KHDRBS2: variants seen among roughly 807,000 people sequenced by gnomAD.
KHDRBS2 encodes KH domain-containing, RNA-binding, signal transduction-associated protein 2.
Under a neutral mutation model 44.3 loss-of-function variants are expected in KHDRBS2, and 26 were observed. The ratio of observed to expected loss-of-function variants is 0.59; its 90% confidence interval spans 0.43 to 0.81. KHDRBS2 has a LOEUF of 0.81. KHDRBS2 is among the 40% of genes least tolerant of loss of function. The pLI, the probability that KHDRBS2 is intolerant of heterozygous loss-of-function variation, is 0.00. For synonymous variants in KHDRBS2, 194 were observed against 151.1 expected, an observed-to-expected ratio of 1.28 and a Z score of -2.08; for missense variants, 476 against 433.1, an observed-to-expected ratio of 1.10 and a Z score of -0.88.
chr6:62,068,797 A>G (rs998656312), intron 2 of KHDRBS2, among the ~76,000 whole-genome samples: 1 of 151,626 alleles, frequency 6.6e-6, no homozygotes, highest in Non-Finnish European at 1.5e-5. Context: ...TAAAAAATCA[A>G]TTGACCACAG....
At chr6:61,561,700 C>A in the KHDRBS2 span, among the ~76,000 whole-genome samples, 5 of 152,092 alleles carry the variant, frequency 3.3e-5, no homozygotes, top group Non-Finnish European at 4.4e-5. Context: ...CTTCGGTCAG[C>A]TTGTGGTGAA....
chr6:62,060,015 C>G (rs1791361578), intron 2 of KHDRBS2, among the ~76,000 whole-genome samples: 1 of 151,568 alleles, frequency 6.6e-6, no homozygotes, highest in South Asian at 2.1e-4. Flanking sequence ...GGAAACCTTC[C>G]CTGGAAAGGA....
intron 6 of KHDRBS2, among the ~76,000 whole-genome samples, chr6:61,776,712 T>C (rs1184113083): frequency 2.0e-5 from 3 of 152,138 alleles, no homozygotes; most frequent in South Asian, 2.1e-4. Flanking sequence ...ACTTCAACCA[T>C]CGTGGAAGTC....
chr6:61,753,554 T>C (rs1778059290), intron 6 of KHDRBS2, among the ~76,000 whole-genome samples: 1 of 152,202 alleles, frequency 6.6e-6, no homozygotes, highest in South Asian at 2.1e-4. Context: ...TAGGATCTTT[T>C]GTGGATCTTT....
intron 2 of KHDRBS2, among the ~76,000 whole-genome samples, chr6:62,170,106 G>A (rs1819698188): frequency 6.6e-6 from 1 of 151,900 alleles, no homozygotes; most frequent in Non-Finnish European, 1.5e-5. Context: ...CAAAATCTGT[G>A]GGAAGGCACA....
At chr6:61,623,975 T>C in the KHDRBS2 span, among the ~76,000 whole-genome samples, 3 of 152,220 alleles carry the variant, frequency 2.0e-5, no homozygotes, top group East Asian at 1.9e-4. Flanking sequence ...AAGAGTGTCA[T>C]GAGGTGAAAA....
At chr6:61,582,919 AAATT>A in the KHDRBS2 span, among the ~76,000 whole-genome samples, 1 of 151,788 alleles carries the variant, frequency 6.6e-6, no homozygotes, top group Non-Finnish European at 1.5e-5. Flanking sequence ...AAATTGGACA[AAATT>A]AATTACTTTC....
At chr6:61,999,848 A>C (rs1777895269) in intron 3 of KHDRBS2, among the ~76,000 whole-genome samples, 1 of 152,154 alleles carries the variant, frequency 6.6e-6, no homozygotes, top group Admixed American at 6.6e-5. Flanking sequence ...TAATAACATA[A>C]AATATATTAG....
intron 8 of KHDRBS2, among the ~76,000 whole-genome samples, chr6:61,684,310 T>C (rs1766599635): frequency 6.6e-6 from 1 of 151,836 alleles, no homozygotes; most frequent in Admixed American, 6.6e-5. Context: ...AAGTACCACA[T>C]ATAGAAGGGA....
chr6:61,577,075 C>G, the KHDRBS2 span, among the ~76,000 whole-genome samples: 1 of 151,672 alleles, frequency 6.6e-6, no homozygotes, highest in African/African-American at 2.4e-5. Context: ...ACAGTCTTTC[C>G]TCTTATGATA....
intron 1 of KHDRBS2, among the ~76,000 whole-genome samples, chr6:62,204,687 T>A (rs1317062780): frequency 6.6e-6 from 1 of 152,150 alleles, no homozygotes; most frequent in Non-Finnish European, 1.5e-5. Flanking sequence ...TATTGACTGC[T>A]TTTATTCCAG....
chr6:62,262,773 A>G (rs1838575566), intron 1 of KHDRBS2, among the ~76,000 whole-genome samples: 1 of 151,724 alleles, frequency 6.6e-6, no homozygotes, highest in African/African-American at 2.4e-5. Flanking sequence ...AATTATTAGA[A>G]TATGTTTAAT....
intron 4 of KHDRBS2, among the ~76,000 whole-genome samples, chr6:61,955,006 A>C (rs1766214117): frequency 7.0e-6 from 1 of 143,754 alleles, no homozygotes; most frequent in Non-Finnish European, 1.5e-5. Flanking sequence ...AGACATACAT[A>C]TGTATGTATA....
intron 6 of KHDRBS2, among the ~76,000 whole-genome samples, chr6:61,803,372 G>T (rs961510177): frequency 3.9e-5 from 6 of 152,130 alleles, no homozygotes; most frequent in African/African-American, 1.2e-4. Flanking sequence ...TTAAAAGCCT[G>T]CTGACCCTGC....
chr6:62,215,331 A>T (rs1829801112), intron 1 of KHDRBS2, among the ~76,000 whole-genome samples: 1 of 151,830 alleles, frequency 6.6e-6, no homozygotes, highest in Non-Finnish European at 1.5e-5. Flanking sequence ...GAAGGTGCAG[A>T]GCAAAATACA....
In KHDRBS2 at chr6:62,081,087, A is replaced by C. The variant is rs183267817; in HGVS notation, c.220-33093T>G. 5.9e-5 allele frequency among the ~76,000 whole-genome samples: 9 copies of C among 152,234 alleles called. No individual in the cohort carries two copies. In the East Asian group the frequency reaches 1.7e-3, roughly 29 times the overall value. The stretch of plus-strand genomic sequence containing the variant: ...AATTCTTGTAAATCACCACCTTTGA[A>C]TGTGTCCTATTTTCTTTTGGCATTC... On this transcript the variant is annotated intron_variant, in intron 2 of 8. Coordinates refer to ENST00000281156, the MANE Select transcript of KHDRBS2 (RefSeq NM_152688.4).
intron 1 of KHDRBS2, among the ~76,000 whole-genome samples, chr6:62,189,339 T>A (rs932334440): frequency 2.0e-5 from 3 of 151,708 alleles, no homozygotes; most frequent in Non-Finnish European, 4.4e-5. Context: ...TTTTTTTAAA[T>A]TTTTTATTTT....
the KHDRBS2 span, among the ~76,000 whole-genome samples, chr6:61,614,203 T>C: frequency 6.6e-6 from 1 of 152,136 alleles, no homozygotes. Flanking sequence ...GGTTGTCTAT[T>C]AAACATGTTG....
intron 5 of KHDRBS2, among the ~76,000 whole-genome samples, chr6:61,899,955 G>A (rs1168460798): frequency 6.6e-6 from 1 of 151,602 alleles, no homozygotes; most frequent in Non-Finnish European, 1.5e-5. Flanking sequence ...AAATGTACAC[G>A]GTTTTACAAA....
Sources: gnomAD v4.1 joint callset for allele counts (sites outside exome capture counted in the v4.1 genomes callset) on GRCh38, gnomAD v4.1.1 for gene constraint, MANE v1.5 for transcripts, NCBI Gene and HGNC (gene_info 2026-07-23, HGNC 2026-07-21) for gene names.